The following MCM3AP variants were observed in gnomAD, a reference collection of about 807,000 sequenced individuals.
MCM3AP encodes the protein germinal-center associated nuclear protein.
In MCM3AP, 126 loss-of-function variants were observed where a neutral mutation model predicts 184.1. The ratio of observed to expected loss-of-function variants is 0.68; its 90% CI spans 0.59 to 0.79. MCM3AP has a LOEUF of 0.79. Ranked by LOEUF, MCM3AP falls within the 30% of genes least tolerant of loss-of-function variation. The pLI is 0.00. For synonymous variants in MCM3AP, 1,002 were observed against 979.3 expected, an observed-to-expected ratio of 1.02 and a Z score of -0.43; for missense variants, 2,496 against 2,479.2, an observed-to-expected ratio of 1.01 and a Z score of -0.14.
chr21:46,265,195 C>T, intron 12 of MCM3AP, 126 bp downstream of exon 12: 1 of 795,226 alleles, frequency 1.3e-6, no homozygotes, highest in Non-Finnish European at 2.0e-6. Flanking sequence ...TGACTCTAGG[C>T]AGGACCCCTC....
At position 46,261,286 on chromosome 21, in the gene MCM3AP, T is replaced by C; in HGVS notation, c.3461A>G (p.Glu1154Gly). 2 of 1,614,050 alleles carry C rather than the reference T, an allele frequency of 1.2e-6. No homozygotes were observed. Among genetic ancestry groups the C allele is most frequent in the Non-Finnish European group, 8.5e-7 (1 of 1,180,024 alleles). Residue 1154 changes from glutamate (E) to glycine (G), a missense_variant, in exon 14 of 28, where the codon GAG becomes GGG. Around this residue, in one of 5 missense-constraint regions of MCM3AP, gnomAD observed 1,323 missense variants for 1,273.4 expected, o/e 1.04. Transcript: ENST00000291688. ...RREQERQRAEEERLKQERELV... is the reference protein window; with the variant it reads ...RREQERQRAEGERLKQERELV... ...ATGGACAAGACACACTTACCTTTCC[T>C]CTTCAGCCCGCTGCCTCTCCTGCTC...
chr21:46,273,300 T>C, intron 7 of MCM3AP, 88 bp downstream of exon 7: 2 of 1,272,188 alleles, frequency 1.6e-6, no homozygotes, highest in South Asian at 1.3e-5. Context: ...TTGTTACAGA[T>C]AAAATATATA....
chr21:46,257,123 A>C, intron 16 of MCM3AP, 137 bp from the exon 17 acceptor site: 1 of 1,206,972 alleles, frequency 8.3e-7, no homozygotes, highest in Non-Finnish European at 1.1e-6. Context: ...CCGAACGTTA[A>C]CAGTTAATAC....
intron 13 of MCM3AP, among the ~76,000 whole-genome samples, chr21:46,263,244 C>T (rs1029503968): frequency 1.3e-5 from 2 of 151,614 alleles, no homozygotes; most frequent in Admixed American, 6.6e-5. Context: ...GCAGGGGAAT[C>T]GCTTGAATCC....
rs182958683 is a variant in MCM3AP, at chr21:46,246,033, G to A, written c.4647+274C>T. ...ATTTTGATTTCTGCTTATGTTTTTA[G>A]AAAGTTATCTGTATAAAACATACAA... On this transcript the variant is annotated intron_variant, in intron 22 of 27. Coordinates refer to ENST00000291688, the MANE Select transcript of MCM3AP (RefSeq NM_003906.5). 3.0e-3 allele frequency among the ~76,000 whole-genome samples: 463 copies of A among 152,268 alleles called. 5 individuals are homozygous for A. The highest frequency in any genetic ancestry group is 4.2e-3 in the Non-Finnish European group (289 of 68,020).
In MCM3AP at chr21:46,284,323, G is replaced by C. The variant is rs1431360415; in HGVS notation, c.964C>G (p.Pro322Ala). 3 of 1,614,208 alleles carry C rather than the reference G, an allele frequency of 1.9e-6. No homozygotes were observed. ...SDPLSRGDHPPDKRPVRLNRP... is the reference protein window; with the variant it reads ...SDPLSRGDHPADKRPVRLNRP... The stretch of plus-strand genomic sequence containing the variant: ...TTCAGGCGGACAGGTCGTTTGTCTG[G>C]AGGATGATCGCCCCGGGACAGAGGA... Residue 322 changes from proline (P) to alanine (A), a missense_variant, in exon 1 of 28, where the codon CCA (proline) becomes GCA (alanine). This residue lies in a region of MCM3AP where 800 missense variants were observed against 717.1 expected (regional missense o/e 1.12). Coordinates refer to ENST00000291688, the MANE Select transcript of MCM3AP (RefSeq NM_003906.5).
intron 5 of MCM3AP, among the ~76,000 whole-genome samples, chr21:46,276,426 G>GA (rs1311017913): frequency 6.6e-6 from 1 of 152,016 alleles, no homozygotes; most frequent in African/African-American, 2.4e-5. Context: ...TTAAAAAGAG[G>GA]AAACTCCTAT....
At chr21:46,274,782 A>C (rs1172920562) in intron 6 of MCM3AP, among the ~76,000 whole-genome samples, 1 of 151,918 alleles carries the variant, frequency 6.6e-6, no homozygotes, top group Non-Finnish European at 1.5e-5. Flanking sequence ...CAAAAAATAA[A>C]ACAGTAACTA....
intron 23 of MCM3AP, among the ~76,000 whole-genome samples, chr21:46,244,292 C>T (rs986899263): frequency 6.6e-6 from 1 of 152,280 alleles, no homozygotes; most frequent in African/African-American, 2.4e-5. Context: ...GCCAGATGGC[C>T]TGTCGGATCT....
chr21:46,273,861 C>T (rs2081220590), intron 6 of MCM3AP, among the ~76,000 whole-genome samples: 1 of 152,170 alleles, frequency 6.6e-6, no homozygotes, highest in Non-Finnish European at 1.5e-5. Flanking sequence ...TGCTAGCCTC[C>T]AAAGCAGAGA....
rs747969243 is a variant in MCM3AP, at chr21:46,235,436, T to G, written c.5785-10A>C. The G allele has an allele frequency of 6.2e-7, 1 of 1,613,408 alleles. No homozygotes were observed. The highest frequency in any genetic ancestry group is 1.7e-5 in the Admixed American group (1 of 59,948). On this transcript the variant is annotated splice_polypyrimidine_tract_variant and intron_variant, in intron 27 of 27. Coordinates refer to ENST00000291688, the MANE Select transcript of MCM3AP (RefSeq NM_003906.5). ...CCCTCATCATGTCACTCTATTTGAA[T>G]AAAAAAGAAACTGAACAGTTTTGGG...
chr21:46,281,063 C>G (rs1207125442), intron 2 of MCM3AP, among the ~76,000 whole-genome samples: 3 of 152,208 alleles, frequency 2.0e-5, no homozygotes, highest in Non-Finnish European at 4.4e-5. Flanking sequence ...ACCTTGGCCT[C>G]CCAAAGTGCT....
chr21:46,242,884 C>T lies in MCM3AP; in HGVS notation c.5344G>A (p.Asp1782Asn), dbSNP rs747767135. The T allele has an allele frequency of 5.6e-6, 9 of 1,612,130 alleles. No individual in the cohort carries two copies. Among genetic ancestry groups the T allele is most frequent in the East Asian group, 2.2e-5 (1 of 44,834 alleles). ...AAAGGAACATCATATTTTTTCAAAT[C>T]GTTTTTAAAAAAATACACACATATC... Reference protein sequence around the residue: ...GQICVYFFKNDLKKYDVPLSW... With the variant: ...GQICVYFFKNNLKKYDVPLSW... Residue 1782 changes from aspartate to asparagine, a missense_variant, in exon 25 of 28, where the codon GAT (aspartate) becomes AAT (asparagine). This residue lies in a region of MCM3AP where 1,323 missense variants were observed against 1,273.4 expected (regional missense o/e 1.04). Coordinates refer to ENST00000291688, the MANE Select transcript of MCM3AP (RefSeq NM_003906.5).
In MCM3AP at chr21:46,258,968, CT is replaced by C; in HGVS notation, c.3704del (p.Glu1235GlyfsTer22). On this transcript the variant is annotated frameshift_variant, in exon 16 of 28. Coordinates refer to ENST00000291688, the MANE Select transcript of MCM3AP (RefSeq NM_003906.5). LOFTEE classifies it high-confidence loss of function. ...IFQTAKETLQ[E>X]LQCFCKYLQR... is the part of the protein sequence containing the mutation. The stretch of plus-strand genomic sequence containing the variant: ...GTAGATACTTGCAGAAGCACTGAAG[CT>C]CCTGGAGGGTCTCCTTTGCAGTCTG... 6.2e-7 allele frequency: 1 copy of C among 1,614,168 alleles called. No homozygotes were observed. The highest frequency in any genetic ancestry group is 2.2e-5 in the East Asian group (1 of 44,880).
intron 17 of MCM3AP, among the ~76,000 whole-genome samples, chr21:46,256,215 A>T (rs1262007326): frequency 2.0e-5 from 3 of 151,690 alleles, no homozygotes; most frequent in Non-Finnish European, 4.4e-5. Flanking sequence ...CCAGGAATGC[A>T]GGCTGAGGGG....
chr21:46,283,957 A>T, intron 1 of MCM3AP, 111 bp downstream of exon 1: 1 of 1,538,074 alleles, frequency 6.5e-7, no homozygotes, highest in Non-Finnish European at 8.8e-7. Flanking sequence ...ACATGTTAGA[A>T]TCCCTAATGT....
chr21:46,264,076 C>T (rs1470066220), intron 13 of MCM3AP, 41 bp downstream of exon 13: 3 of 1,418,460 alleles, frequency 2.1e-6, no homozygotes, highest in Non-Finnish European at 3.0e-6. Flanking sequence ...GTGCAGCTCC[C>T]CGCAGCACGT....
In MCM3AP at chr21:46,240,991, G is replaced by A; in HGVS notation, c.5453C>T (p.Ser1818Phe). ...GRLAIKPFHP[S>F]ANNFPIPLLH... ...CAATGGTATGGGAAAATTGTTTGCA[G>A]AAGGATGAAAAGGCTTTATTGCCAA... Residue 1818 changes from serine to phenylalanine, a missense_variant, in exon 26 of 28, where the codon TCT (serine) becomes TTT (phenylalanine). By Grantham distance (155) the Ser-to-Phe change is radical. This residue lies in a region of MCM3AP where 1,323 missense variants were observed against 1,273.4 expected (regional missense o/e 1.04). Coordinates refer to ENST00000291688, the MANE Select transcript of MCM3AP (RefSeq NM_003906.5). 4 of 1,613,840 alleles carry A rather than the reference G, an allele frequency of 2.5e-6. No individual in the cohort carries two copies. Among genetic ancestry groups the A allele is most frequent in the African/African-American group, 1.3e-5 (1 of 75,068 alleles).
intron 22 of MCM3AP, among the ~76,000 whole-genome samples, chr21:46,245,468 A>G (rs1307412960): frequency 6.6e-6 from 1 of 152,190 alleles, no homozygotes; most frequent in Non-Finnish European, 1.5e-5. Context: ...CCCCATGGAA[A>G]GGCCCAGGCC....
Sources: gnomAD v4.1 joint callset for allele counts (sites outside exome capture counted in the v4.1 genomes callset) on GRCh38, gnomAD v4.1.1 for gene constraint, gnomAD v4.1.1 regional missense constraint, MANE v1.5 for transcripts, NCBI Gene and HGNC (gene_info 2026-07-23, HGNC 2026-07-21) for gene names.